The following SMARCC1 variants were observed in gnomAD, a reference collection of about 807,000 sequenced individuals.
SMARCC1 encodes SWI/SNF related BAF chromatin remodeling complex subunit C1.
SMARCC1 carries 43 observed loss-of-function variants against 147.4 expected under a neutral mutation model. The ratio of observed to expected loss-of-function variants is 0.29; its 90% CI spans 0.23 to 0.38. The LOEUF is 0.38. Ranked by LOEUF, SMARCC1 falls within the 10% of genes least tolerant of loss-of-function variation. The pLI is 1.00. For synonymous variants in SMARCC1, 495 were observed against 484.4 expected, an observed-to-expected ratio of 1.02 and a Z score of -0.29; for missense variants, 1,119 against 1,381.1, an observed-to-expected ratio of 0.81 and a Z score of 3.01.
At chr3:47,751,866 G>A (rs890014941) in intron 2 of SMARCC1, among the ~76,000 whole-genome samples, 3 of 151,974 alleles carry the variant, frequency 2.0e-5, no homozygotes, top group Non-Finnish European at 2.9e-5. Context: ...GGTGGATCAC[G>A]AGGTCAGGAG....
chr3:47,773,024 ACGTTATG>A, intron 1 of SMARCC1, 88 bp from the exon 2 acceptor site: 1 of 1,177,040 alleles, frequency 8.5e-7, no homozygotes, highest in South Asian at 1.5e-5. Flanking sequence ...CTAAGTACTT[ACGTTATG>A]GGAAATTTAT....
At chr3:47,747,271 A>G (rs2034574688) in intron 2 of SMARCC1, among the ~76,000 whole-genome samples, 1 of 151,624 alleles carries the variant, frequency 6.6e-6, no homozygotes. Flanking sequence ...CCGTCTCAAC[A>G]AAAAATGCAA....
At chr3:47,764,699 C>T (rs1473699987) in intron 2 of SMARCC1, among the ~76,000 whole-genome samples, 2 of 152,204 alleles carry the variant, frequency 1.3e-5, no homozygotes, top group African/African-American at 4.8e-5. Flanking sequence ...TGCCCTTGCA[C>T]ATGAATTATA....
In SMARCC1 at chr3:47,622,448, C is replaced by T. The variant is rs145327328; in HGVS notation, c.2647-107G>A. On this transcript the variant is annotated intron_variant, in intron 24 of 27. Coordinates refer to ENST00000254480, the MANE Select transcript of SMARCC1 (RefSeq NM_003074.4). ...AGAGATTATATAATTTACAATGGTACCCTATATGTCTCCTTTGTAACGTAC... is the reference window on the plus strand; with the variant it reads ...AGAGATTATATAATTTACAATGGTATCCTATATGTCTCCTTTGTAACGTAC... The T allele has an allele frequency of 2.1e-3, 2,073 of 1,005,858 alleles. 11 individuals carry two copies. Among genetic ancestry groups the T allele is most frequent in the African/African-American group, 0.013 (814 of 61,490 alleles). 62.3% of individuals were successfully genotyped at this position (1,005,858 alleles called of 1,614,324 possible).
chr3:47,646,992 T>C (rs902725204), intron 21 of SMARCC1, among the ~76,000 whole-genome samples: 3 of 152,244 alleles, frequency 2.0e-5, no homozygotes, highest in Non-Finnish European at 2.9e-5. Flanking sequence ...TTCTTCTGCA[T>C]GAGCCTCTAC....
chr3:47,688,309 T>A (rs2033753311), intron 13 of SMARCC1, among the ~76,000 whole-genome samples: 1 of 146,694 alleles, frequency 6.8e-6, no homozygotes, highest in African/African-American at 2.5e-5. Flanking sequence ...AACTTTGATT[T>A]TTTTTTTTTT....
chr3:47,604,292 C>CCACTTGGTA, intron 26 of SMARCC1: 1 of 456,708 alleles, frequency 2.2e-6, no homozygotes, highest in Non-Finnish European at 4.4e-6. Context: ...GAAAAATTAA[C>CCACTTGGTA]CACTTGGTAA....
intron 14 of SMARCC1, among the ~76,000 whole-genome samples, chr3:47,683,282 G>A (rs572930730): frequency 5.3e-5 from 8 of 151,880 alleles, no homozygotes; most frequent in Non-Finnish European, 7.4e-5. Flanking sequence ...TCCTGACCTC[G>A]TGATCCACCC....
intron 21 of SMARCC1, among the ~76,000 whole-genome samples, chr3:47,647,689 T>C (rs1421640530): frequency 6.6e-6 from 1 of 152,164 alleles, no homozygotes; most frequent in Non-Finnish European, 1.5e-5. Flanking sequence ...ATGAAGCACA[T>C]GGCAGGAACC....
chr3:47,618,773 G>A (rs185176003), intron 25 of SMARCC1, among the ~76,000 whole-genome samples: 2 of 152,142 alleles, frequency 1.3e-5, no homozygotes, highest in African/African-American at 2.4e-5. Flanking sequence ...AAAAAACCGG[G>A]GGACCTGCAG....
chr3:47,689,401 T>C lies in SMARCC1; in HGVS notation c.1249A>G (p.Thr417Ala). ...DLDEQDEETV[T>A]AGGKEDEDPA... ...TGAATTGTTACCTTTCCTCCTGCTG[T>C]GACTGTTTCTTCATCCTGCTCATCT... The change falls in exon 13 of 28, where the codon ACA (threonine) becomes GCA (alanine). Residue 417 changes from threonine (T) to alanine (A), a missense_variant. Thr to Ala is a moderately conservative substitution (Grantham distance 58). Around this residue, in one of 6 missense-constraint regions of SMARCC1, gnomAD observed 542 missense variants for 611.8 expected, o/e 0.89. Transcript: ENST00000254480. 2 of 1,613,362 alleles carry C rather than the reference T, an allele frequency of 1.2e-6. No individual in the cohort carries two copies. The highest frequency in any genetic ancestry group is 1.7e-6 in the Non-Finnish European group (2 of 1,179,326).
chr3:47,767,727 G>T (rs1306574420), intron 2 of SMARCC1, among the ~76,000 whole-genome samples: 1 of 151,270 alleles, frequency 6.6e-6, no homozygotes, highest in East Asian at 2.0e-4. Flanking sequence ...AATTAGCTGG[G>T]CGTGGTGGTG....
chr3:47,672,518 C>CT (rs1394860493), intron 18 of SMARCC1, among the ~76,000 whole-genome samples: 1 of 152,132 alleles, frequency 6.6e-6, no homozygotes, highest in African/African-American at 2.4e-5. Flanking sequence ...GCAAGGATTA[C>CT]TTTAAGATAA....
At chr3:47,708,503 AAACT>A (rs1022265567) in intron 9 of SMARCC1, among the ~76,000 whole-genome samples, 4 of 152,160 alleles carry the variant, frequency 2.6e-5, no homozygotes, top group Non-Finnish European at 5.9e-5. Context: ...ATAAACAAAC[AAACT>A]AAATCTGAAC....
intron 18 of SMARCC1, among the ~76,000 whole-genome samples, chr3:47,674,336 G>A (rs553416289): frequency 5.3e-5 from 8 of 152,196 alleles, no homozygotes; most frequent in African/African-American, 1.9e-4. Context: ...GTGTGCTAGC[G>A]ATAACTTCTG....
intron 25 of SMARCC1, among the ~76,000 whole-genome samples, chr3:47,616,359 T>G (rs2032645662): frequency 1.3e-5 from 2 of 152,192 alleles, no homozygotes; most frequent in Admixed American, 6.5e-5. Flanking sequence ...CTTCCATAAC[T>G]GCCTTTCCTT....
At chr3:47,599,712 T>G (rs1226355753) in intron 26 of SMARCC1, among the ~76,000 whole-genome samples, 1 of 152,228 alleles carries the variant, frequency 6.6e-6, no homozygotes, top group African/African-American at 2.4e-5. Flanking sequence ...ATGCAAACCC[T>G]GGTGTCACCA....
chr3:47,588,303 G>T lies in SMARCC1; in HGVS notation c.3224C>A (p.Pro1075His), dbSNP rs3772406. ...CGGTGGCTGCTGCTGTGGTGGAGGG[G>T]GATCTGCAAACATATCCAAGAGTAA... Reference protein sequence around the residue: ...VPLTAPNGMYPPPPQQQPPPP... With the variant: ...VPLTAPNGMYHPPPQQQPPPP... The change falls in exon 28 of 28, where the codon CCC becomes CAC. Residue 1075 changes from proline to histidine, a missense_variant. Pro to His is a moderately conservative substitution (Grantham distance 77). This residue lies in a region of SMARCC1 where 186 missense variants were observed against 216.5 expected (regional missense o/e 0.86). Transcript: ENST00000254480. 3.0e-4 allele frequency: 482 copies of T among 1,613,556 alleles called. 7 individuals are homozygous for T. In the East Asian group the frequency reaches 0.01, roughly 35 times the overall value.
At position 47,749,484 on chromosome 3, in the gene SMARCC1, A is replaced by C. The variant is rs113890571; in HGVS notation, c.316-3491T>G. Among the ~76,000 whole-genome samples, 990 of 151,762 alleles carry C rather than the reference A, an allele frequency of 6.5e-3. 12 individuals carry two copies. Among genetic ancestry groups the C allele is most frequent in the African/African-American group, 0.022 (930 of 41,390 alleles). The stretch of plus-strand genomic sequence containing the variant: ...AAGACCATCCTGGGCAACATAGCGA[A>C]ACCTCATCTATAAAATAAATTATAA... On this transcript the variant is annotated intron_variant, in intron 2 of 27. Transcript: ENST00000254480.
Sources: gnomAD v4.1 joint callset for allele counts (sites outside exome capture counted in the v4.1 genomes callset) on GRCh38, gnomAD v4.1.1 for gene constraint, gnomAD v4.1.1 regional missense constraint, MANE v1.5 for transcripts, NCBI Gene and HGNC (gene_info 2026-07-23, HGNC 2026-07-21) for gene names.